Variants in PLPP7 observed in about 807,000 individuals in gnomAD.
PLPP7 encodes the protein phospholipid phosphatase 7 (inactive), also known as inactive phospholipid phosphatase 7.
A neutral mutation model predicts 16.9 loss-of-function variants in PLPP7; 11 were observed. That is an observed-to-expected ratio of 0.65 (90% CI 0.41 to 1.08). The LOEUF is 1.08. Ranked by LOEUF, PLPP7 falls within the 50% of genes least tolerant of loss-of-function variation. The pLI is 0.00. For missense variants in PLPP7, 358 were observed against 397.1 expected (o/e 0.90, Z 0.84); for synonymous variants, 174 against 175.1 (o/e 0.99, Z 0.05).
chr9:131,305,369 G>C (rs944316810), intron 1 of PLPP7, among the ~76,000 whole-genome samples: 1 of 147,444 alleles, frequency 6.8e-6, no homozygotes, highest in Admixed American at 6.9e-5. Context: ...AGGCAGCAAA[G>C]TGGGATGCCC....
At chr9:131,296,918 T>TTGTCTAGCCTGTTC in intron 1 of PLPP7, among the ~76,000 whole-genome samples, 1 of 152,350 alleles carries the variant, frequency 6.6e-6, no homozygotes, top group African/African-American at 2.4e-5. Context: ...TCCACGAGGC[T>TTGTCTAGCCTGTTC]TGTCTAGCCT....
At chr9:131,296,191 C>T (rs1403258285) in intron 1 of PLPP7, among the ~76,000 whole-genome samples, 1 of 152,128 alleles carries the variant, frequency 6.6e-6, no homozygotes, top group Admixed American at 6.5e-5. Flanking sequence ...TCAGAGCCAT[C>T]CTAATGGGTA....
In PLPP7 at chr9:131,299,641, C is replaced by T. The variant is rs575228604; in HGVS notation, c.452-8282C>T. 8.4e-4 allele frequency among the ~76,000 whole-genome samples: 128 copies of T among 152,144 alleles called. 1 individual carries two copies. Among genetic ancestry groups the T allele is most frequent in the Admixed American group, 3.1e-3 (48 of 15,282 alleles). Reference sequence around the variant, plus strand: ...CTGCCTCTTCCATTCACAACCCTCCCGGCCAGACGGCTGCGGCATGGTGAG... The same window carrying T: ...CTGCCTCTTCCATTCACAACCCTCCTGGCCAGACGGCTGCGGCATGGTGAG... On this transcript the variant is annotated intron_variant, in intron 1 of 1. Transcript: ENST00000372264.
intron 1 of PLPP7, among the ~76,000 whole-genome samples, chr9:131,306,466 C>T (rs1057271562): frequency 6.5e-5 from 5 of 76,478 alleles, no homozygotes; most frequent in Admixed American, 1.2e-4. Context: ...CACGTGAACC[C>T]GGGAGGTGGG....
At chr9:131,306,321 C>T (rs1835852254) in intron 1 of PLPP7, among the ~76,000 whole-genome samples, 1 of 151,858 alleles carries the variant, frequency 6.6e-6, no homozygotes, top group Non-Finnish European at 1.5e-5. Flanking sequence ...GCAAGCGGAT[C>T]ACTTGAGGTC....
In PLPP7 at chr9:131,308,156, C is replaced by T. The variant is rs1267618639; in HGVS notation, c.685C>T (p.Arg229Cys). 4.4e-6 allele frequency: 7 copies of T among 1,600,482 alleles called. No homozygotes were observed. The Admixed American group carries it at 6.7e-5, about 15-fold the overall frequency. The change falls in exon 2 of 2, where the codon CGC becomes TGC. Residue 229 changes from arginine (R) to cysteine (C), a missense_variant. Coordinates refer to ENST00000372264, the MANE Select transcript of PLPP7 (RefSeq NM_032728.4). ...CTGGGCCCTCTGCGTGGGCCTGTCC[C>T]GCGTGATGATCGGCCGCCACCACGT... ...VLWALCVGLSRVMIGRHHVTD... is the reference protein window; with the variant it reads ...VLWALCVGLSCVMIGRHHVTD...
intron 1 of PLPP7, among the ~76,000 whole-genome samples, chr9:131,294,070 A>G (rs543593199): frequency 6.6e-6 from 1 of 152,126 alleles, no homozygotes; most frequent in Non-Finnish European, 1.5e-5. Flanking sequence ...AGTTCTCTGC[A>G]TGCTCCCTGC....
At chr9:131,296,611 G>C (rs1367002381) in intron 1 of PLPP7, among the ~76,000 whole-genome samples, 1 of 152,198 alleles carries the variant, frequency 6.6e-6, no homozygotes. Context: ...CAAGAAGAAA[G>C]TGAGCCTCTC....
chr9:131,299,362 G>A (rs1835770268), intron 1 of PLPP7, among the ~76,000 whole-genome samples: 1 of 150,230 alleles, frequency 6.7e-6, no homozygotes, highest in African/African-American at 2.4e-5. Flanking sequence ...CCCTCCTTGA[G>A]TCAACTGGTC....
intron 1 of PLPP7, among the ~76,000 whole-genome samples, chr9:131,293,599 A>G (rs902804719): frequency 6.6e-6 from 1 of 152,172 alleles, no homozygotes; most frequent in Non-Finnish European, 1.5e-5. Context: ...TGCAGGTTCC[A>G]TCTGTCCTTT....
rs537991805 is a variant in PLPP7, at chr9:131,293,193, C to T, written c.451+2745C>T. ...GGTTCAGGAAGTAAATCCAAGGCCC[C>T]GTGACTGCAAACCCCCCCACTCCTC... On this transcript the variant is annotated intron_variant, in intron 1 of 1. Coordinates refer to ENST00000372264, the MANE Select transcript of PLPP7 (RefSeq NM_032728.4). Among the ~76,000 whole-genome samples the T allele has an allele frequency of 2.4e-4, 36 of 152,204 alleles. 1 individual carries two copies. In the South Asian group the frequency reaches 6.4e-3, roughly 27 times the overall value.
In PLPP7 at chr9:131,290,441, G is replaced by A; in HGVS notation, c.444G>A (p.Leu148=). The A allele has an allele frequency of 6.6e-7, 1 of 1,512,292 alleles. No homozygotes were observed. Among genetic ancestry groups the A allele is most frequent in the Non-Finnish European group, 8.8e-7 (1 of 1,130,976 alleles). 93.7% of individuals were successfully genotyped at this position (1,512,292 alleles called of 1,614,324 possible). ...CCGGCCAGGAGGTGCTCATGAATCTGCTCCTGGGTGAGTGTGCCTGCCGCC... is the reference window on the plus strand; with the variant it reads ...CCGGCCAGGAGGTGCTCATGAATCTACTCCTGGGTGAGTGTGCCTGCCGCC... ...TLAGQEVLMN[L]LLALLLDIMT... The change falls in exon 1 of 2, where the codon CTG becomes CTA. Residue 148 remains leucine, a synonymous_variant. Transcript: ENST00000372264. The surrounding 1 kb of genome is among the most constrained non-coding windows in gnomAD (Gnocchi z 4.2).
Position 131,308,549 on chromosome 9 carries a change from G to A in PLPP7, c.*262G>A, listed in dbSNP as rs537974624. On this transcript the variant is annotated 3_prime_UTR_variant, in exon 2 of 2. Coordinates refer to ENST00000372264, the MANE Select transcript of PLPP7 (RefSeq NM_032728.4). Reference sequence around the variant, plus strand: ...CTAGGCAGCCAGGACCCACCCATGGGGACAGCCCTATTTAGCTTCTGCTCT... The same window carrying A: ...CTAGGCAGCCAGGACCCACCCATGGAGACAGCCCTATTTAGCTTCTGCTCT... 3 of 546,560 alleles carry A rather than the reference G, an allele frequency of 5.5e-6. No individual in the cohort carries two copies. Among genetic ancestry groups the A allele is most frequent in the Admixed American group, 3.3e-5 (1 of 30,324 alleles). The allele number at this position is 546,560 out of a possible 1,614,324, so 33.9% of individuals were successfully genotyped here.
At chr9:131,297,789 C>T (rs1835751217) in intron 1 of PLPP7, among the ~76,000 whole-genome samples, 1 of 152,232 alleles carries the variant, frequency 6.6e-6, no homozygotes, top group African/African-American at 2.4e-5. Context: ...CACCCCTAAT[C>T]CTCTTGCCCA....
At chr9:131,294,757 G>A (rs374576146) in intron 1 of PLPP7, among the ~76,000 whole-genome samples, 2 of 150,972 alleles carry the variant, frequency 1.3e-5, no homozygotes, top group Non-Finnish European at 3.0e-5. Context: ...TGCAACCTCC[G>A]CCTCCCGGGT....
chr9:131,297,086 AG>A (rs1200212947), intron 1 of PLPP7, among the ~76,000 whole-genome samples: 1 of 152,200 alleles, frequency 6.6e-6, no homozygotes, highest in Non-Finnish European at 1.5e-5. Flanking sequence ...TCAGTCCCTC[AG>A]GGGGGCCTTT....
At chr9:131,299,773 C>T (rs1008543358) in intron 1 of PLPP7, among the ~76,000 whole-genome samples, 1 of 152,210 alleles carries the variant, frequency 6.6e-6, no homozygotes. Flanking sequence ...CTGCCAGCCT[C>T]GTTCACAGTG....
At chr9:131,299,039 A>C (rs2131216894) in intron 1 of PLPP7, among the ~76,000 whole-genome samples, 1 of 152,030 alleles carries the variant, frequency 6.6e-6, no homozygotes, top group Admixed American at 6.5e-5. Flanking sequence ...CCGGGGGTCC[A>C]TTACCAAGTG....
chr9:131,306,245 C>A (rs1263449959), intron 1 of PLPP7, among the ~76,000 whole-genome samples: 2 of 149,914 alleles, frequency 1.3e-5, no homozygotes, highest in Non-Finnish European at 3.0e-5. Flanking sequence ...TCAAAAAAAT[C>A]AAATAAAATA....
Sources: gnomAD v4.1 joint callset for allele counts (sites outside exome capture counted in the v4.1 genomes callset) on GRCh38, gnomAD v4.1.1 for gene constraint, Gnocchi (gnomAD v3.1) non-coding constraint, MANE v1.5 for transcripts, NCBI Gene and HGNC (gene_info 2026-07-23, HGNC 2026-07-21) for gene names.